FHIT: variants seen among roughly 807,000 people sequenced by gnomAD.
FHIT encodes bis(5'-adenosyl)-triphosphatase.
In FHIT, 19 loss-of-function variants were observed where a neutral mutation model predicts 17.9. That is an observed-to-expected ratio of 1.06 (90% CI 0.74 to 1.56). The LOEUF (loss-of-function observed/expected upper bound fraction) is 1.56. Ranked by LOEUF, FHIT falls within the 40% of genes most tolerant of loss-of-function variation. The pLI, the probability that FHIT is intolerant of heterozygous loss-of-function variation, is 0.00. For synonymous variants in FHIT, 81 were observed against 69.7 expected, an observed-to-expected ratio of 1.16 and a Z score of -0.81; for missense variants, 248 against 189.2, an observed-to-expected ratio of 1.31 and a Z score of -1.82.
intron 7 of FHIT, among the ~76,000 whole-genome samples, chr3:59,946,113 G>A (rs1427903114): frequency 6.6e-6 from 1 of 152,098 alleles, no homozygotes; most frequent in African/African-American, 2.4e-5. Flanking sequence ...AAATTGCTTT[G>A]GGCAGTGTGG....
intron 8 of FHIT, among the ~76,000 whole-genome samples, chr3:59,860,437 T>A (rs1702357385): frequency 6.6e-6 from 1 of 152,204 alleles, no homozygotes; most frequent in Non-Finnish European, 1.5e-5. Context: ...GGAATGGAAC[T>A]TGTAGGGAAA....
intron 8 of FHIT, among the ~76,000 whole-genome samples, chr3:59,858,599 G>A (rs1337703244): frequency 6.6e-6 from 1 of 151,996 alleles, no homozygotes; most frequent in Admixed American, 6.6e-5. Context: ...GTGGAGGTGG[G>A]TAGTGATGGC....
At chr3:60,289,176 C>G (rs974292612) in intron 5 of FHIT, among the ~76,000 whole-genome samples, 5 of 152,148 alleles carry the variant, frequency 3.3e-5, no homozygotes, top group Admixed American at 1.3e-4. Flanking sequence ...TTAATATTCT[C>G]TACAAATAAT....
At chr3:60,910,143 AGATAGGAATGT>A (rs1706657422) in intron 3 of FHIT, among the ~76,000 whole-genome samples, 1 of 152,160 alleles carries the variant, frequency 6.6e-6, no homozygotes, top group South Asian at 2.1e-4. Context: ...TCTCCGCCAG[AGATAGGAATGT>A]GACTCAATCT....
chr3:59,825,990 A>G (rs1399794255), intron 8 of FHIT, among the ~76,000 whole-genome samples: 3 of 152,210 alleles, frequency 2.0e-5, no homozygotes, highest in African/African-American at 7.2e-5. Flanking sequence ...AGGAATATTG[A>G]CAGCTGAAAC....
intron 2 of FHIT, among the ~76,000 whole-genome samples, chr3:61,145,761 TTG>T (rs774544130): frequency 8.7e-6 from 1 of 114,456 alleles, no homozygotes; most frequent in Admixed American, 1.0e-4. Flanking sequence ...ATTTTATTTT[TTG>T]GCTGCTATTA....
intron 8 of FHIT, among the ~76,000 whole-genome samples, chr3:59,872,301 A>C (rs183560484): frequency 1.3e-5 from 2 of 152,288 alleles, no homozygotes; most frequent in East Asian, 3.9e-4. Flanking sequence ...TTACAGGAAG[A>C]AACAACCCTA....
chr3:60,905,052 T>A (rs1706333488), intron 3 of FHIT, among the ~76,000 whole-genome samples: 2 of 152,036 alleles, frequency 1.3e-5, no homozygotes, highest in African/African-American at 4.8e-5. Context: ...ATATGCTTAA[T>A]TTTACTTATA....
intron 3 of FHIT, among the ~76,000 whole-genome samples, chr3:60,948,234 C>T (rs535564207): frequency 1.3e-5 from 2 of 152,180 alleles, no homozygotes; most frequent in Non-Finnish European, 2.9e-5. Flanking sequence ...CTTCTGAACT[C>T]TAAGCACTGG....
At position 60,111,574 on chromosome 3, in the gene FHIT, T is replaced by C. The variant is rs114012273; in HGVS notation, c.104-97422A>G. On this transcript the variant is annotated intron_variant, in intron 5 of 9. Coordinates refer to ENST00000492590, the MANE Select transcript of FHIT (RefSeq NM_002012.4). ...TGATTTGAGAAATACCTTTCATTTA[T>C]ACTCCATTTTGCACAAATAAACTAC... Among the ~76,000 whole-genome samples, 907 of 152,352 alleles carry C rather than the reference T, an allele frequency of 6.0e-3. 11 individuals are homozygous for C. Among genetic ancestry groups the C allele is most frequent in the African/African-American group, 0.021 (855 of 41,584 alleles).
intron 4 of FHIT, among the ~76,000 whole-genome samples, chr3:60,708,639 T>C (rs544287592): frequency 6.6e-6 from 1 of 152,160 alleles, no homozygotes; most frequent in East Asian, 1.9e-4. Context: ...AAGGAAAACA[T>C]GAATGGCCCT....
At chr3:60,523,548 A>C (rs902604994) in intron 5 of FHIT, among the ~76,000 whole-genome samples, 3 of 152,224 alleles carry the variant, frequency 2.0e-5, no homozygotes, top group Admixed American at 1.3e-4. Flanking sequence ...ACCTGTATGC[A>C]TGGGAAGCCA....
chr3:60,937,323 C>T (rs1303589486), intron 3 of FHIT, among the ~76,000 whole-genome samples: 1 of 152,162 alleles, frequency 6.6e-6, no homozygotes, highest in Non-Finnish European at 1.5e-5. Flanking sequence ...AATATTTTCT[C>T]TTTAACGAAG....
intron 5 of FHIT, among the ~76,000 whole-genome samples, chr3:60,124,041 GAGAGAGAGAGAGAGAC>G (rs1553691005): frequency 1.7e-3 from 81 of 47,660 alleles, no homozygotes; most frequent in Non-Finnish European, 2.8e-3. Context: ...GAGAGAGAGA[GAGAGAGAGAGAGAGAC>G]AGAGAGAGAG....
intron 5 of FHIT, among the ~76,000 whole-genome samples, chr3:60,043,736 C>A (rs997270127): frequency 1.3e-5 from 2 of 152,126 alleles, no homozygotes; most frequent in East Asian, 1.9e-4. Flanking sequence ...ATGCAATAAA[C>A]CTCCCACTGA....
chr3:60,252,519 A>G (rs1017166902), intron 5 of FHIT, among the ~76,000 whole-genome samples: 1 of 152,100 alleles, frequency 6.6e-6, no homozygotes, highest in Admixed American at 6.5e-5. Context: ...CGGCATGATC[A>G]TGCTACTGCA....
intron 3 of FHIT, chr3:60,856,487 C>T (rs960755238): frequency 1.3e-4 from 20 of 152,234 alleles, no homozygotes; most frequent in East Asian, 1.9e-4. Flanking sequence ...ACACCAAGAA[C>T]GAGCTTCGTG....
chr3:60,531,744 C>T (rs1281383149), intron 5 of FHIT, among the ~76,000 whole-genome samples: 1 of 152,178 alleles, frequency 6.6e-6, no homozygotes, highest in Non-Finnish European at 1.5e-5. Flanking sequence ...CTGTAAGAAT[C>T]ACTGTTAAGT....
chr3:61,036,322 CT>C (rs150519144), intron 3 of FHIT, among the ~76,000 whole-genome samples: 5,509 of 152,124 alleles, frequency 0.036, 307 homozygotes, highest in African/African-American at 0.12. Flanking sequence ...TCAGCCCCCC[CT>C]GATCTAATCA....
Sources: allele counts gnomAD v4.1 joint callset (sites outside exome capture counted in the v4.1 genomes callset), GRCh38; gene constraint gnomAD v4.1.1; transcripts MANE v1.5; gene names NCBI Gene and HGNC (gene_info 2026-07-23, HGNC 2026-07-21).